The following CALN1 variants were observed in gnomAD, a reference collection of about 807,000 sequenced individuals.
CALN1 encodes calcium-binding protein 8.
CALN1 carries 17 observed loss-of-function variants against 30.6 expected under a neutral mutation model. That is an observed-to-expected ratio of 0.56 (90% confidence interval 0.38 to 0.83). CALN1 has a LOEUF of 0.83. Ranked by LOEUF, CALN1 falls within the 40% of genes least tolerant of loss-of-function variation. The pLI is 0.00. For missense variants in CALN1, 291 were observed against 354.9 expected, an observed-to-expected ratio of 0.82 and a Z score of 1.45; for synonymous variants, 156 against 131.4, an observed-to-expected ratio of 1.19 and a Z score of -1.28.
intron 4 of CALN1, among the ~76,000 whole-genome samples, chr7:72,051,534 A>G (rs989205246): frequency 6.6e-6 from 1 of 152,204 alleles, no homozygotes; most frequent in African/African-American, 2.4e-5. Context: ...TGAGAAATAG[A>G]CACTCCTCAT....
chr7:71,873,668 A>G (rs1321174065), intron 5 of CALN1, among the ~76,000 whole-genome samples: 1 of 152,246 alleles, frequency 6.6e-6, no homozygotes, highest in Non-Finnish European at 1.5e-5. Context: ...TCCCTGGGCT[A>G]CCCACCAGAC....
At chr7:72,479,372 AT>A in the CALN1 span, among the ~76,000 whole-genome samples, 2 of 152,120 alleles carry the variant, frequency 1.3e-5, no homozygotes, top group Non-Finnish European at 2.9e-5. Flanking sequence ...ACAGTATCCT[AT>A]AGACAGATGA....
At chr7:72,242,989 G>A (rs568846872) in intron 3 of CALN1, among the ~76,000 whole-genome samples, 2 of 152,316 alleles carry the variant, frequency 1.3e-5, no homozygotes, top group South Asian at 2.1e-4. Flanking sequence ...TATAGATATG[G>A]ATGTAGATAT....
At chr7:72,485,095 AT>A in the CALN1 span, among the ~76,000 whole-genome samples, 3 of 152,156 alleles carry the variant, frequency 2.0e-5, no homozygotes, top group African/African-American at 4.8e-5. Context: ...ACAAAAAAAA[AT>A]TTTTTTTAAT....
intron 3 of CALN1, among the ~76,000 whole-genome samples, chr7:72,194,404 C>T (rs895132421): frequency 6.6e-6 from 1 of 151,960 alleles, no homozygotes; most frequent in Non-Finnish European, 1.5e-5. Flanking sequence ...GTGGTACATG[C>T]GTGTAATCCC....
intron 3 of CALN1, among the ~76,000 whole-genome samples, chr7:72,194,184 G>A (rs761915040): frequency 5.3e-5 from 8 of 152,158 alleles, no homozygotes; most frequent in Non-Finnish European, 1.2e-4. Flanking sequence ...ATGTCATTCC[G>A]CAGTGTACAA....
chr7:71,906,509 C>T (rs987481800), intron 5 of CALN1, among the ~76,000 whole-genome samples: 2 of 152,090 alleles, frequency 1.3e-5, no homozygotes, highest in African/African-American at 4.8e-5. Flanking sequence ...GGTTAGGAGC[C>T]AGGCAGAAAG....
intron 2 of CALN1, among the ~76,000 whole-genome samples, chr7:72,367,112 A>T: frequency 6.6e-6 from 1 of 152,156 alleles, no homozygotes; most frequent in Non-Finnish European, 1.5e-5. Flanking sequence ...TTAATAATAA[A>T]AAAAAACAGG....
At chr7:71,865,306 C>CCCT (rs1791524441) in intron 5 of CALN1, among the ~76,000 whole-genome samples, 2 of 152,222 alleles carry the variant, frequency 1.3e-5, no homozygotes, top group South Asian at 4.2e-4. Context: ...TGTGACACCT[C>CCCT]CCCTCTCTAT....
chr7:71,801,329 G>A (rs185031104), intron 6 of CALN1, among the ~76,000 whole-genome samples: 53 of 152,028 alleles, frequency 3.5e-4, no homozygotes, highest in African/African-American at 1.2e-3. Flanking sequence ...CCTCCCACCT[G>A]AGCCTCCTGA....
intron 2 of CALN1, among the ~76,000 whole-genome samples, chr7:72,359,502 T>C (rs1327060670): frequency 6.6e-6 from 1 of 152,134 alleles, no homozygotes; most frequent in African/African-American, 2.4e-5. Context: ...AGGTACTACT[T>C]TTAGGTCACA....
chr7:71,941,477 A>T (rs1208004724), intron 5 of CALN1, among the ~76,000 whole-genome samples: 1 of 152,220 alleles, frequency 6.6e-6, no homozygotes, highest in Non-Finnish European at 1.5e-5. Flanking sequence ...AAGACAGCAG[A>T]CCCAGTATCA....
At chr7:72,354,215 A>G (rs1223439876) in intron 2 of CALN1, among the ~76,000 whole-genome samples, 1 of 152,178 alleles carries the variant, frequency 6.6e-6, no homozygotes, top group Non-Finnish European at 1.5e-5. Flanking sequence ...CAATAATATC[A>G]AAACCATGAA....
intron 3 of CALN1, among the ~76,000 whole-genome samples, chr7:72,243,675 C>A (rs188741495): frequency 1.0e-3 from 153 of 152,228 alleles, no homozygotes; most frequent in African/African-American, 3.5e-3. Context: ...TTAGACAAAA[C>A]CCCTGGCCCT....
At chr7:72,155,568 T>A (rs1401496411) in intron 3 of CALN1, among the ~76,000 whole-genome samples, 1 of 151,900 alleles carries the variant, frequency 6.6e-6, no homozygotes, top group Admixed American at 6.6e-5. Context: ...TGACACTTGG[T>A]TATGGCAGCC....
intron 3 of CALN1, among the ~76,000 whole-genome samples, chr7:72,162,622 C>T (rs1788191607): frequency 6.6e-6 from 1 of 152,000 alleles, no homozygotes; most frequent in African/African-American, 2.4e-5. Flanking sequence ...GCCTGTAATC[C>T]TAGCTACTCA....
intron 3 of CALN1, among the ~76,000 whole-genome samples, chr7:72,130,794 T>C (rs1809088695): frequency 6.6e-6 from 1 of 152,190 alleles, no homozygotes; most frequent in Non-Finnish European, 1.5e-5. Flanking sequence ...CACTAAATCA[T>C]TAACAGTGGT....
chr7:72,366,043 G>T (rs1017035899), intron 2 of CALN1, among the ~76,000 whole-genome samples: 2 of 152,042 alleles, frequency 1.3e-5, no homozygotes, highest in African/African-American at 4.8e-5. Context: ...TAAGGATGTG[G>T]AATAAAGCAT....
intron 6 of CALN1, among the ~76,000 whole-genome samples, chr7:71,790,389 AAAGAAAGAAAGAAAGAAAGAAAG>A (rs1793298895): frequency 1.7e-5 from 2 of 117,582 alleles, no homozygotes; most frequent in African/African-American, 6.2e-5. Flanking sequence ...AGAAAGAAAG[AAAGAAAGAAAGAAAGAAAGAAAG>A]AAAGAAAGAA....
Sources: allele counts gnomAD v4.1 joint callset (sites outside exome capture counted in the v4.1 genomes callset), GRCh38; gene constraint gnomAD v4.1.1; transcripts MANE v1.5; gene names NCBI Gene and HGNC (gene_info 2026-07-23, HGNC 2026-07-21).